NLRP14: variants seen among roughly 807,000 people sequenced by gnomAD.
NLRP14 encodes NACHT, LRR and PYD domains-containing protein 14.
Under a neutral mutation model 94.7 loss-of-function variants are expected in NLRP14, and 105 were observed. The ratio of observed to expected loss-of-function variants is 1.11; its 90% CI spans 0.95 to 1.30. The LOEUF (loss-of-function observed/expected upper bound fraction) is 1.30. NLRP14 is among the 50% of genes most tolerant of loss of function. NLRP14 has a pLI of 0.00. For synonymous variants in NLRP14, 508 were observed against 459.9 expected (o/e 1.10, Z -1.34); for missense variants, 1,362 against 1,254.1 (o/e 1.09, Z -1.30).
intron 10 of NLRP14, among the ~76,000 whole-genome samples, chr11:7,065,339 G>A (rs1369207792): frequency 6.6e-6 from 1 of 151,964 alleles, no homozygotes; most frequent in African/African-American, 2.4e-5. Flanking sequence ...GATTGTTTTA[G>A]TTATTTTTTC....
intron 3 of NLRP14, among the ~76,000 whole-genome samples, chr11:7,042,036 A>G (rs1465871543): frequency 6.7e-6 from 1 of 149,378 alleles, no homozygotes; most frequent in Non-Finnish European, 1.5e-5. Flanking sequence ...TTTTTTTTTA[A>G]TCTGGATGAC....
the NLRP14 span, chr11:7,090,316 G>C: frequency 6.3e-7 from 1 of 1,575,210 alleles, no homozygotes; most frequent in East Asian, 2.3e-5. Flanking sequence ...ACAGACTTGG[G>C]ACCAAAAATC....
chr11:7,064,443 A>G (rs754873592), intron 10 of NLRP14, among the ~76,000 whole-genome samples: 1 of 152,072 alleles, frequency 6.6e-6, no homozygotes, highest in Non-Finnish European at 1.5e-5. Flanking sequence ...TGTTGGATCT[A>G]GGAGAAAAAA....
the NLRP14 span, among the ~76,000 whole-genome samples, chr11:7,083,804 A>T: frequency 6.6e-6 from 1 of 152,132 alleles, no homozygotes; most frequent in African/African-American, 2.4e-5. Flanking sequence ...TGAACCTACA[A>T]ATGGATTCTT....
chr11:7,060,237 A>C (rs951503603), intron 9 of NLRP14, among the ~76,000 whole-genome samples, 173 bp downstream of exon 9: 1 of 151,964 alleles, frequency 6.6e-6, no homozygotes, highest in Non-Finnish European at 1.5e-5. Context: ...GATTTCTAAA[A>C]ATAATTACCA....
intron 10 of NLRP14, among the ~76,000 whole-genome samples, chr11:7,068,011 A>G (rs904323189): frequency 2.0e-5 from 3 of 151,920 alleles, no homozygotes; most frequent in African/African-American, 7.3e-5. Flanking sequence ...GGTACTTTTT[A>G]GTAAGTATAT....
intron 10 of NLRP14, among the ~76,000 whole-genome samples, chr11:7,066,713 A>G (rs531383426): frequency 2.0e-5 from 3 of 152,046 alleles, no homozygotes; most frequent in Admixed American, 6.5e-5. Context: ...CCATTTGTCA[A>G]TTTTGGGTTT....
chr11:7,038,098 T>C (rs577213039), intron 1 of NLRP14, among the ~76,000 whole-genome samples: 10 of 152,230 alleles, frequency 6.6e-5, no homozygotes, highest in African/African-American at 2.4e-4. Context: ...AATAACAATG[T>C]TTTATAGGTT....
At chr11:7,077,250 G>T in the NLRP14 span, among the ~76,000 whole-genome samples, 2 of 152,224 alleles carry the variant, frequency 1.3e-5, no homozygotes, top group African/African-American at 4.8e-5. Context: ...GCGTGGGTGC[G>T]GCTGGAAAGG....
chr11:7,026,734 T>C (rs1021910411), intron 1 of NLRP14, among the ~76,000 whole-genome samples: 5 of 143,682 alleles, frequency 3.5e-5, no homozygotes, highest in Non-Finnish European at 6.0e-5. Flanking sequence ...CTATTCACAA[T>C]AGCAAAGACT....
chr11:7,049,645 A>G, intron 5 of NLRP14, 26 bp from the exon 6 acceptor site: 1 of 1,557,368 alleles, frequency 6.4e-7, no homozygotes, highest in Non-Finnish European at 8.9e-7. Flanking sequence ...GTTTTGTAAT[A>G]CCTCCTGCAT....
At chr11:7,037,287 A>G (rs893513284) in intron 1 of NLRP14, among the ~76,000 whole-genome samples, 1 of 152,230 alleles carries the variant, frequency 6.6e-6, no homozygotes, top group Non-Finnish European at 1.5e-5. Context: ...CAACCTTAAA[A>G]CAGCTGATAG....
Position 7,043,888 on chromosome 11 carries a change from G to T in NLRP14, c.1862G>T (p.Cys621Phe). Residue 621 changes from cysteine to phenylalanine, a missense_variant, in exon 4 of 12, where the codon TGC (cysteine) becomes TTC (phenylalanine). Transcript: ENST00000299481. ...ATACATTTGCTTGTATCTTCTTTCT[G>T]CCTTAAGCACTGCCGGTGTTTGCGG... ...EKIHLLVSSF[C>F]LKHCRCLRTI... 1 of 1,614,098 alleles carries T rather than the reference G, an allele frequency of 6.2e-7. No homozygotes were observed. The highest frequency in any genetic ancestry group is 8.5e-7 in the Non-Finnish European group (1 of 1,179,970).
At chr11:7,030,933 G>A (rs547399205) in intron 1 of NLRP14, among the ~76,000 whole-genome samples, 97 of 152,332 alleles carry the variant, frequency 6.4e-4, no homozygotes, top group Non-Finnish European at 1.1e-3. Context: ...CGGTAAATGA[G>A]TGGAAGAGCA....
At chr11:7,060,623 G>A (rs1418153651) in intron 9 of NLRP14, among the ~76,000 whole-genome samples, 1 of 151,906 alleles carries the variant, frequency 6.6e-6, no homozygotes, top group Non-Finnish European at 1.5e-5. Context: ...TTAAACTCAG[G>A]TTATAATTAA....
intron 10 of NLRP14, among the ~76,000 whole-genome samples, chr11:7,063,301 T>G (rs1025331717): frequency 6.6e-6 from 1 of 152,086 alleles, no homozygotes; most frequent in African/African-American, 2.4e-5. Flanking sequence ...CAAAGGACTT[T>G]ATTGCTTGTA....
At chr11:7,021,088 G>A (rs899459142) in intron 1 of NLRP14, among the ~76,000 whole-genome samples, 1 of 152,180 alleles carries the variant, frequency 6.6e-6, no homozygotes, top group Admixed American at 6.5e-5. Context: ...ATTTTATTAG[G>A]CAAGGAACTT....
chr11:7,056,937 C>G (rs114365768), intron 6 of NLRP14, among the ~76,000 whole-genome samples: 1 of 151,980 alleles, frequency 6.6e-6, no homozygotes, highest in African/African-American at 2.4e-5. Context: ...GTTCCTTCCT[C>G]TATAGACCCT....
chr11:7,071,533 A>G (rs1031643846), downstream of NLRP14, among the ~76,000 whole-genome samples: 1 of 89,962 alleles, frequency 1.1e-5, no homozygotes, highest in Admixed American at 1.1e-4. Flanking sequence ...TCTGAAAAGT[A>G]TGTTTTTAAT....
Sources: allele counts gnomAD v4.1 joint callset (sites outside exome capture counted in the v4.1 genomes callset), GRCh38; gene constraint gnomAD v4.1.1; transcripts MANE v1.5; gene names NCBI Gene and HGNC (gene_info 2026-07-23, HGNC 2026-07-21).